Variants in GRM5 observed in about 807,000 individuals in gnomAD.
The protein encoded by GRM5 is metabotropic glutamate receptor 5.
A neutral mutation model predicts 83.1 loss-of-function variants in GRM5; 19 were observed. The ratio of observed to expected loss-of-function variants is 0.23; its 90% CI spans 0.16 to 0.34. The LOEUF (loss-of-function observed/expected upper bound fraction) is 0.34. GRM5 is among the 10% of genes least tolerant of loss of function. The pLI, the probability that GRM5 is intolerant of heterozygous loss-of-function variation, is 1.00. For synonymous variants in GRM5, 675 were observed against 633.6 expected, an observed-to-expected ratio of 1.07 and a Z score of -0.98; for missense variants, 1,160 against 1,588.3, an observed-to-expected ratio of 0.73 and a Z score of 4.58.
chr11:88,690,168 A>G (rs1169087463), intron 3 of GRM5, among the ~76,000 whole-genome samples: 1 of 152,218 alleles, frequency 6.6e-6, no homozygotes, highest in African/African-American at 2.4e-5. Context: ...ACAACTGAGC[A>G]TATATAACAG....
chr11:88,640,800 C>A (rs1050638384), intron 4 of GRM5, among the ~76,000 whole-genome samples: 2 of 152,136 alleles, frequency 1.3e-5, no homozygotes, highest in African/African-American at 4.8e-5. Context: ...GGGTGTGGAG[C>A]TTCCACGCTC....
intron 3 of GRM5, among the ~76,000 whole-genome samples, chr11:88,785,441 G>A (rs953176226): frequency 9.9e-5 from 15 of 152,018 alleles, no homozygotes; most frequent in South Asian, 4.1e-4. Flanking sequence ...AGAAATGGAC[G>A]TAAGTTGTTC....
At chr11:88,675,306 C>T (rs1471753101) in intron 3 of GRM5, among the ~76,000 whole-genome samples, 1 of 151,894 alleles carries the variant, frequency 6.6e-6, no homozygotes, top group Non-Finnish European at 1.5e-5. Context: ...GGATTCATTG[C>T]TTGTCAATAA....
chr11:88,703,175 T>A (rs1263992598), intron 3 of GRM5, among the ~76,000 whole-genome samples: 1 of 152,002 alleles, frequency 6.6e-6, no homozygotes, highest in Non-Finnish European at 1.5e-5. Flanking sequence ...AAGCGCTGGG[T>A]CCTCTCCCCA....
rs117666664 is a variant in GRM5, at chr11:88,604,421, A to G, written c.1394+297T>C. On this transcript the variant is annotated intron_variant, in intron 5 of 9. Transcript: ENST00000305447. ...AATAACATGACAAGCATGTACAGAG[A>G]AACCACAGAGATGGTTTTTATTTAT... Among the ~76,000 whole-genome samples, 20 of 152,336 alleles carry G rather than the reference A, an allele frequency of 1.3e-4. No homozygotes were observed. In the East Asian group the frequency reaches 3.9e-3, roughly 29 times the overall value.
At chr11:88,579,487 G>C (rs1943182807) in intron 7 of GRM5, among the ~76,000 whole-genome samples, 1 of 152,180 alleles carries the variant, frequency 6.6e-6, no homozygotes, top group Non-Finnish European at 1.5e-5. Flanking sequence ...TATGAGGGGG[G>C]TTAGTTTGTA....
chr11:88,795,087 A>T (rs1200391558), intron 3 of GRM5, among the ~76,000 whole-genome samples: 1 of 152,260 alleles, frequency 6.6e-6, no homozygotes, highest in East Asian at 1.9e-4. Flanking sequence ...GAGCTAGAAC[A>T]TGTAGAAAAA....
At chr11:88,601,807 G>A (rs1189741557) in intron 5 of GRM5, among the ~76,000 whole-genome samples, 1 of 152,156 alleles carries the variant, frequency 6.6e-6, no homozygotes, top group East Asian at 1.9e-4. Context: ...AACTTTTGCT[G>A]TGAGGGGATG....
chr11:88,998,118 G>A (rs576354836), intron 2 of GRM5, among the ~76,000 whole-genome samples: 3 of 150,158 alleles, frequency 2.0e-5, no homozygotes, highest in African/African-American at 7.3e-5. Flanking sequence ...AAAGAAGGAA[G>A]GAAGGAAGGA....
chr11:88,780,659 AG>A (rs748015101), intron 3 of GRM5, among the ~76,000 whole-genome samples: 2 of 152,164 alleles, frequency 1.3e-5, no homozygotes, highest in Non-Finnish European at 2.9e-5. Context: ...TTTACATTTC[AG>A]GGGTATCTGT....
At chr11:88,558,587 A>T (rs529544828) in intron 8 of GRM5, among the ~76,000 whole-genome samples, 24 of 152,092 alleles carry the variant, frequency 1.6e-4, no homozygotes. Flanking sequence ...GTGGATCATG[A>T]GGTCAAGAGA....
chr11:88,917,612 C>A (rs1481128439), intron 2 of GRM5, among the ~76,000 whole-genome samples: 2 of 151,994 alleles, frequency 1.3e-5, no homozygotes, highest in African/African-American at 4.8e-5. Context: ...ATTCAGAATT[C>A]CATCAGATAA....
At chr11:88,888,882 T>A (rs186148660) in intron 2 of GRM5, among the ~76,000 whole-genome samples, 54 of 152,226 alleles carry the variant, frequency 3.5e-4, no homozygotes, top group Admixed American at 1.9e-3. Context: ...CCCAACAAAA[T>A]GATCAGTAAC....
chr11:89,051,200 G>C lies in GRM5; in HGVS notation c.-200-3128C>G, dbSNP rs569464807. ...GAACCCGAGAGGCAGGGCTTGCAGTGAGTGGAGATTGCGCCACTGCACTCC... is the reference window on the plus strand; with the variant it reads ...GAACCCGAGAGGCAGGGCTTGCAGTCAGTGGAGATTGCGCCACTGCACTCC... On this transcript the variant is annotated intron_variant, in intron 1 of 9. Transcript: ENST00000305447. 3.9e-5 allele frequency among the ~76,000 whole-genome samples: 6 copies of C among 152,104 alleles called. No homozygotes were observed. In the South Asian group the frequency reaches 1.2e-3, roughly 32 times the overall value.
intron 1 of GRM5, among the ~76,000 whole-genome samples, chr11:89,049,003 AAAC>A (rs1282978916): frequency 1.3e-5 from 2 of 152,218 alleles, no homozygotes; most frequent in Non-Finnish European, 2.9e-5. Flanking sequence ...TATATATTCA[AAAC>A]AACATCTTGT....
chr11:88,688,305 T>G (rs1042294811), intron 3 of GRM5, among the ~76,000 whole-genome samples: 1 of 152,208 alleles, frequency 6.6e-6, no homozygotes, highest in South Asian at 2.1e-4. Flanking sequence ...CTTTCAATTT[T>G]CCTTAATTGT....
At chr11:88,910,853 T>C (rs1307383838) in intron 2 of GRM5, among the ~76,000 whole-genome samples, 1 of 152,064 alleles carries the variant, frequency 6.6e-6, no homozygotes, top group Non-Finnish European at 1.5e-5. Flanking sequence ...GTATTTTTTT[T>C]TTGTTTCAGA....
chr11:89,061,443 G>C (rs1355766357), intron 1 of GRM5, among the ~76,000 whole-genome samples: 1 of 152,080 alleles, frequency 6.6e-6, no homozygotes, highest in African/African-American at 2.4e-5. Flanking sequence ...TATTAAATGG[G>C]TTTTGGAAAG....
chr11:88,776,208 C>G (rs999595303), intron 3 of GRM5, among the ~76,000 whole-genome samples: 1 of 152,094 alleles, frequency 6.6e-6, no homozygotes, highest in African/African-American at 2.4e-5. Flanking sequence ...CCTTCTTTGT[C>G]TCCTTTGATC....
Sources: allele counts gnomAD v4.1 joint callset (sites outside exome capture counted in the v4.1 genomes callset), GRCh38; gene constraint gnomAD v4.1.1; transcripts MANE v1.5; gene names NCBI Gene and HGNC (gene_info 2026-07-23, HGNC 2026-07-21).